The following SPAG9 variants were observed in gnomAD, a reference collection of about 807,000 sequenced individuals.
SPAG9 encodes the protein C-Jun-amino-terminal kinase-interacting protein 4.
In SPAG9, 35 loss-of-function variants were observed where a neutral mutation model predicts 166.5. The ratio of observed to expected loss-of-function variants is 0.21; its 90% CI spans 0.16 to 0.28. The LOEUF is 0.28. Ranked by LOEUF, SPAG9 falls within the 10% of genes least tolerant of loss-of-function variation. SPAG9 has a pLI of 1.00. For synonymous variants in SPAG9, 534 were observed against 565.5 expected, an observed-to-expected ratio of 0.94 and a Z score of 0.79; for missense variants, 1,235 against 1,603.3, an observed-to-expected ratio of 0.77 and a Z score of 3.92.
intron 22 of SPAG9, 29 bp from the exon 23 acceptor site, chr17:50,985,807 G>C (rs1975005617): frequency 1.5e-6 from 2 of 1,337,234 alleles, no homozygotes; most frequent in Non-Finnish European, 2.1e-6. Context: ...CACTGGTAAG[G>C]CATAGAGAAC....
chr17:51,079,555 G>A, intron 2 of SPAG9, 29 bp downstream of exon 2: 1 of 1,608,938 alleles, frequency 6.2e-7, no homozygotes, highest in Non-Finnish European at 8.5e-7. Context: ...AATCTTTAGT[G>A]TACTTATGAG....
At chr17:50,990,368 A>T (rs746587054) in intron 20 of SPAG9, 82 bp downstream of exon 20, 49 of 1,048,722 alleles carry the variant, frequency 4.7e-5, no homozygotes, top group African/African-American at 7.8e-5. Flanking sequence ...TTGTTACTTA[A>T]GATCTAAATT....
chr17:50,994,531 G>A (rs1010935376), intron 18 of SPAG9, among the ~76,000 whole-genome samples: 23 of 152,136 alleles, frequency 1.5e-4, no homozygotes, highest in Non-Finnish European at 2.2e-4. Context: ...TGGGAGGACT[G>A]CTTGAGGCCA....
At chr17:50,990,828 T>C (rs1443429587) in intron 19 of SPAG9, 160 bp from the exon 20 acceptor site, 3 of 594,134 alleles carry the variant, frequency 5.0e-6, no homozygotes, top group Non-Finnish European at 8.9e-6. Flanking sequence ...CTTCACAATA[T>C]GGGAAGGTAA....
chr17:51,112,910 G>A (rs1381925210), intron 1 of SPAG9, among the ~76,000 whole-genome samples: 4 of 149,868 alleles, frequency 2.7e-5, no homozygotes, highest in Non-Finnish European at 5.9e-5. Flanking sequence ...TGGAGGTCAA[G>A]GCTGCTGTGG....
intron 2 of SPAG9, among the ~76,000 whole-genome samples, chr17:51,079,254 G>A (rs1388117353): frequency 2.0e-5 from 3 of 151,070 alleles, no homozygotes; most frequent in African/African-American, 7.3e-5. Context: ...TCTGGGGGGT[G>A]GGGGGACACA....
rs1405448642 is a variant in SPAG9, at chr17:51,095,945, T to TTATATATATAGTGA, written c.304-16255_304-16242dup. ...TATAGTGATATATATAGTGATATAG[T>TTATATATATAGTGA]TATATATATAGTGATATATATATAT... On this transcript the variant is annotated intron_variant, in intron 1 of 29. Coordinates refer to ENST00000262013, the MANE Select transcript of SPAG9 (RefSeq NM_001130528.3). Among the ~76,000 whole-genome samples, 132 of 110,042 alleles carry TTATATATATAGTGA rather than the reference T, an allele frequency of 1.2e-3. 6 individuals carry two copies. The highest frequency in any genetic ancestry group is 5.6e-3 in the African/African-American group (130 of 23,286). 72.2% of individuals were successfully genotyped at this position (110,042 alleles called of 152,430 possible).
intron 1 of SPAG9, among the ~76,000 whole-genome samples, chr17:51,098,766 A>G (rs965667242): frequency 4.6e-5 from 7 of 151,566 alleles, no homozygotes; most frequent in African/African-American, 1.7e-4. Flanking sequence ...TGCTGGGACT[A>G]TAGGCATGAG....
chr17:51,049,039 C>T (rs2047109034), intron 3 of SPAG9, among the ~76,000 whole-genome samples: 1 of 152,138 alleles, frequency 6.6e-6, no homozygotes, highest in African/African-American at 2.4e-5. Context: ...AACAAAGTGA[C>T]TGTCAGGCTT....
intron 27 of SPAG9, chr17:50,975,823 G>A: frequency 6.7e-7 from 1 of 1,483,956 alleles, no homozygotes; most frequent in Non-Finnish European, 9.1e-7. Context: ...GTGGCTATTA[G>A]AAGCCAGGAA....
intron 28 of SPAG9, 31 bp downstream of exon 28, chr17:50,974,740 T>C (rs2143636657): frequency 6.4e-7 from 1 of 1,551,678 alleles, no homozygotes; most frequent in Non-Finnish European, 8.7e-7. Context: ...GACAATTACA[T>C]GGAACATCTC....
chr17:51,053,650 A>T (rs2047242548), intron 3 of SPAG9, among the ~76,000 whole-genome samples: 1 of 150,562 alleles, frequency 6.6e-6, no homozygotes, highest in Admixed American at 6.6e-5. Context: ...AAGCCACTGC[A>T]CTCCAGCCTG....
intron 11 of SPAG9, among the ~76,000 whole-genome samples, chr17:51,005,719 C>A (rs2045186209): frequency 6.6e-6 from 1 of 152,186 alleles, no homozygotes. Flanking sequence ...TGTGTGGTGG[C>A]AGGCACCTAC....
intron 3 of SPAG9, among the ~76,000 whole-genome samples, chr17:51,050,999 G>C (rs1172478079): frequency 1.0e-5 from 1 of 95,846 alleles, no homozygotes; most frequent in South Asian, 3.4e-4. Context: ...AGGAAGGAAA[G>C]AAAGAAAAGA....
At chr17:51,095,900 GATATATATAGTGAT>G (rs1450053979) in intron 1 of SPAG9, among the ~76,000 whole-genome samples, 93 of 139,614 alleles carry the variant, frequency 6.7e-4, no homozygotes, top group East Asian at 4.1e-4. Flanking sequence ...TATATACAGT[GATATATATAGTGAT>G]ATATATATAG....
intron 24 of SPAG9, among the ~76,000 whole-genome samples, chr17:50,984,530 C>CA (rs1282409893): frequency 2.6e-5 from 4 of 151,944 alleles, no homozygotes; most frequent in Non-Finnish European, 5.9e-5. Flanking sequence ...ACTGAAAATA[C>CA]AAAAAAATTA....
At chr17:51,069,501 A>G (rs137889613) in intron 2 of SPAG9, among the ~76,000 whole-genome samples, 1 of 152,262 alleles carries the variant, frequency 6.6e-6, no homozygotes, top group Non-Finnish European at 1.5e-5. Flanking sequence ...TGGCAACTTT[A>G]AAATGGTTTA....
intron 2 of SPAG9, among the ~76,000 whole-genome samples, chr17:51,063,595 A>G (rs1203349521): frequency 6.6e-6 from 1 of 152,156 alleles, no homozygotes; most frequent in East Asian, 1.9e-4. Flanking sequence ...AAATAAAAGC[A>G]GGCCAGGGCC....
intron 19 of SPAG9, among the ~76,000 whole-genome samples, chr17:50,991,157 T>C (rs1243279386): frequency 1.3e-5 from 2 of 151,808 alleles, no homozygotes; most frequent in Non-Finnish European, 2.9e-5. Context: ...TCCACCAACC[T>C]CAGACAAGTC....
Sources: allele counts gnomAD v4.1 joint callset (sites outside exome capture counted in the v4.1 genomes callset), GRCh38; gene constraint gnomAD v4.1.1; transcripts MANE v1.5; gene names NCBI Gene and HGNC (gene_info 2026-07-23, HGNC 2026-07-21).